AIMP1: variants seen among roughly 807,000 people sequenced by gnomAD.
The protein encoded by AIMP1 is aminoacyl tRNA synthase complex-interacting multifunctional protein 1.
In AIMP1, 24 loss-of-function variants were observed where a neutral mutation model predicts 33.1. The observed-to-expected ratio is 0.73, with a 90% CI of 0.53 to 1.02. The LOEUF (loss-of-function observed/expected upper bound fraction) is 1.02. Ranked by LOEUF, AIMP1 falls within the 50% of genes least tolerant of loss-of-function variation. The pLI is 0.00. For synonymous variants in AIMP1, 120 were observed against 121.5 expected (o/e 0.99, Z 0.08); for missense variants, 367 against 364.8 (o/e 1.01, Z -0.05).
At chr4:106,316,322 G>A (rs2125915453), upstream of AIMP1, 1 of 547,140 alleles carries the variant, frequency 1.8e-6, no homozygotes, top group Non-Finnish European at 3.3e-6. Context: ...GCCACGAAAG[G>A]ACATATAGCG....
chr4:106,319,435 A>C (rs1164422579), intron 1 of AIMP1, among the ~76,000 whole-genome samples: 2 of 152,210 alleles, frequency 1.3e-5, no homozygotes, highest in East Asian at 3.8e-4. Context: ...CATTAGAGGC[A>C]TCGTATGATT....
At chr4:106,316,744 A>C in intron 1 of AIMP1, 150 bp downstream of exon 1, 2 of 664,614 alleles carry the variant, frequency 3.0e-6, no homozygotes, top group East Asian at 5.7e-5. Flanking sequence ...TGGCCTAAGG[A>C]AACAGGAAAG....
chr4:106,321,355 G>T (rs1057373637), intron 1 of AIMP1: 2 of 157,540 alleles, frequency 1.3e-5, no homozygotes, highest in South Asian at 1.9e-4. Context: ...TCTCTGCCCC[G>T]TCGCCCCGTC....
chr4:106,331,446 A>T, intron 4 of AIMP1, among the ~76,000 whole-genome samples: 1 of 152,220 alleles, frequency 6.6e-6, no homozygotes, highest in East Asian at 1.9e-4. Flanking sequence ...CCAACCTCAC[A>T]CAATGTCTTC....
chr4:106,328,318 A>T, intron 4 of AIMP1, 75 bp downstream of exon 4: 1 of 1,473,638 alleles, frequency 6.8e-7, no homozygotes. Flanking sequence ...AATGATAATA[A>T]TAATAGTATC....
At position 106,328,151 on chromosome 4, in the gene AIMP1, C is replaced by A. The variant is rs778703221; in HGVS notation, c.299C>A (p.Thr100Lys). Residue 100 changes from threonine to lysine, a missense_variant, in exon 4 of 7, where the codon ACA (threonine) becomes AAA (lysine). By Grantham distance (78) the Thr-to-Lys change is moderately conservative. Transcript: ENST00000672341. ...GTTTCTGAAAATGTGATACAGTCTA[C>A]AGCAGTAACAACCGTATCTTCTGGT... ...SMVSENVIQS[T>K]AVTTVSSGTK... 5 of 1,613,318 alleles carry A rather than the reference C, an allele frequency of 3.1e-6. No individual in the cohort carries two copies. In the East Asian group the frequency reaches 1.1e-4, roughly 36 times the overall value.
chr4:106,318,365 A>G (rs1046241200), intron 1 of AIMP1, among the ~76,000 whole-genome samples: 1 of 152,192 alleles, frequency 6.6e-6, no homozygotes, highest in Non-Finnish European at 1.5e-5. Context: ...AAAAGGTACC[A>G]CATTGCTTTA....
At chr4:106,344,191 T>C (rs756340240) in intron 6 of AIMP1, among the ~76,000 whole-genome samples, 4 of 152,196 alleles carry the variant, frequency 2.6e-5, no homozygotes, top group Non-Finnish European at 5.9e-5. Context: ...CTTACTGTTA[T>C]AGGGCCTCAG....
chr4:106,324,926 C>G (rs773504968), intron 1 of AIMP1, 59 bp from the exon 2 acceptor site: 26 of 1,391,952 alleles, frequency 1.9e-5, no homozygotes, highest in Admixed American at 7.3e-5. Flanking sequence ...TTCATAGTGG[C>G]CTATAGTATA....
intron 4 of AIMP1, among the ~76,000 whole-genome samples, chr4:106,330,714 G>C (rs1013726138): frequency 4.6e-5 from 7 of 152,154 alleles, no homozygotes; most frequent in Admixed American, 1.3e-4. Flanking sequence ...ACTGTTTCCA[G>C]TGTCATAGCA....
chr4:106,322,451 T>C (rs1769300108), intron 1 of AIMP1, among the ~76,000 whole-genome samples: 2 of 152,316 alleles, frequency 1.3e-5, no homozygotes, highest in South Asian at 2.1e-4. Flanking sequence ...CATAAACTTA[T>C]GCATCCAACC....
At position 106,328,158 on chromosome 4, in the gene AIMP1, A is replaced by G; in HGVS notation, c.306A>G (p.Val102=). The G allele has an allele frequency of 6.2e-7, 1 of 1,613,578 alleles. No homozygotes were observed. The highest frequency in any genetic ancestry group is 8.5e-7 in the Non-Finnish European group (1 of 1,179,698). The change falls in exon 4 of 7, where the codon GTA becomes GTG. Residue 102 remains valine, a synonymous_variant. Transcript: ENST00000672341. ...VSENVIQSTA[V]TTVSSGTKEQ... ...AAAATGTGATACAGTCTACAGCAGT[A>G]ACAACCGTATCTTCTGGTACCAAAG...
At position 106,336,958 on chromosome 4, in the gene AIMP1, T is replaced by C. The variant is rs200239982; in HGVS notation, c.693T>C (p.Ser231=). ...CTCAAGCAATGGTCATGTGTGCTAG[T>C]TCACCAGAGAAAATTGAAATCTTGG... ...VLSQAMVMCA[S]SPEKIEILAP... Residue 231 remains serine (S), a synonymous_variant, in exon 6 of 7, where the codon AGT becomes AGC. Coordinates refer to ENST00000672341, the MANE Select transcript of AIMP1 (RefSeq NM_001142416.2). The C allele has an allele frequency of 1.9e-5, 31 of 1,613,984 alleles. No individual in the cohort carries two copies. Among genetic ancestry groups the C allele is most frequent in the Non-Finnish European group, 2.1e-5 (25 of 1,179,968 alleles).
chr4:106,342,905 C>CTT (rs34629602), intron 6 of AIMP1, among the ~76,000 whole-genome samples: 51 of 128,336 alleles, frequency 4.0e-4, no homozygotes, highest in East Asian at 1.8e-3. Context: ...CGATCCAGGG[C>CTT]TTTTTTTTTT....
At chr4:106,317,547 G>A (rs1385295137) in intron 1 of AIMP1, among the ~76,000 whole-genome samples, 2 of 152,166 alleles carry the variant, frequency 1.3e-5, no homozygotes, top group Admixed American at 6.5e-5. Context: ...TAATCCAGAG[G>A]AAGCATAATG....
intron 5 of AIMP1, among the ~76,000 whole-genome samples, chr4:106,334,142 G>A (rs189938137): frequency 6.6e-6 from 1 of 152,098 alleles, no homozygotes; most frequent in Non-Finnish European, 1.5e-5. Context: ...GCTGCTTGTT[G>A]GTTTTGTGAA....
At chr4:106,332,610 G>GATACATATATATATATAT (rs1170249518) in intron 5 of AIMP1, among the ~76,000 whole-genome samples, 1 of 142,386 alleles carries the variant, frequency 7.0e-6, no homozygotes, top group Admixed American at 7.0e-5. Context: ...TATATACAGA[G>GATACATATATATATATAT]ATACATATAT....
intron 1 of AIMP1, among the ~76,000 whole-genome samples, chr4:106,322,945 C>T (rs983545700): frequency 2.7e-5 from 4 of 150,542 alleles, no homozygotes; most frequent in Non-Finnish European, 5.9e-5. Flanking sequence ...GATCGTGCCA[C>T]TGCACCCCAG....
In AIMP1 at chr4:106,336,253, G is replaced by GAAAA. The variant is rs748330574; in HGVS notation, c.604-607_604-604dup. The stretch of plus-strand genomic sequence containing the variant: ...TTGCCATTTTGCCCATGCTGGTCTC[G>GAAAA]AAAAAAAAAAAACACTGGGCTCAAG... On this transcript the variant is annotated intron_variant, in intron 5 of 6. Transcript: ENST00000672341. 3.8e-5 allele frequency among the ~76,000 whole-genome samples: 5 copies of GAAAA among 130,652 alleles called. 1 individual carries two copies. The allele number at this position is 130,652 out of a possible 152,430, so 85.7% of individuals were successfully genotyped here. A position where few individuals can be genotyped will look rare whatever the true frequency, so the allele number is the denominator to read the frequency against.
Sources: gnomAD v4.1 joint callset for allele counts (sites outside exome capture counted in the v4.1 genomes callset) on GRCh38, gnomAD v4.1.1 for gene constraint, MANE v1.5 for transcripts, NCBI Gene and HGNC (gene_info 2026-07-23, HGNC 2026-07-21) for gene names.